CNBD1: variants seen among roughly 807,000 people sequenced by gnomAD.
The protein encoded by CNBD1 is cyclic nucleotide binding domain containing 1.
A neutral mutation model predicts 54.4 loss-of-function variants in CNBD1; 71 were observed. The ratio of observed to expected loss-of-function variants is 1.30; its 90% CI spans 1.08 to 1.59. The LOEUF is 1.59. Ranked by LOEUF, CNBD1 falls within the 40% of genes most tolerant of loss-of-function variation. The pLI is 0.00. For missense variants in CNBD1, 659 were observed against 518.0 expected, an observed-to-expected ratio of 1.27 and a Z score of -2.64; for synonymous variants, 182 against 170.7, an observed-to-expected ratio of 1.07 and a Z score of -0.51.
chr8:87,199,872 A>G (rs1313567830), intron 4 of CNBD1, among the ~76,000 whole-genome samples: 2 of 152,168 alleles, frequency 1.3e-5, no homozygotes, highest in Non-Finnish European at 2.9e-5. Context: ...AATAACACTT[A>G]TAACAAAAAT....
At chr8:87,332,756 T>A (rs1397214841) in intron 8 of CNBD1, among the ~76,000 whole-genome samples, 2 of 152,174 alleles carry the variant, frequency 1.3e-5, no homozygotes, top group African/African-American at 4.8e-5. Flanking sequence ...TTTGTACAAG[T>A]ACCATGCTGT....
chr8:87,287,989 T>G (rs1292176098), intron 8 of CNBD1, among the ~76,000 whole-genome samples: 2 of 152,082 alleles, frequency 1.3e-5, no homozygotes, highest in African/African-American at 4.8e-5. Context: ...TAAATGGCAT[T>G]TTTTTAACCA....
At chr8:86,929,009 G>A (rs1300200535) in intron 3 of CNBD1, among the ~76,000 whole-genome samples, 1 of 152,156 alleles carries the variant, frequency 6.6e-6, no homozygotes, top group Non-Finnish European at 1.5e-5. Context: ...GGAAATACTG[G>A]GGCTTAATCT....
chr8:87,027,725 C>A (rs1293826997), intron 4 of CNBD1, among the ~76,000 whole-genome samples: 1 of 152,234 alleles, frequency 6.6e-6, no homozygotes, highest in Non-Finnish European at 1.5e-5. Context: ...GGGACTCCGT[C>A]CCACTTTCTC....
chr8:87,269,432 T>C (rs1214999835), intron 6 of CNBD1, among the ~76,000 whole-genome samples: 2 of 152,072 alleles, frequency 1.3e-5, no homozygotes, highest in Non-Finnish European at 2.9e-5. Flanking sequence ...ATGAATTTTG[T>C]AATTGTTTTT....
chr8:87,394,766 A>G (rs1450014190), intron 2 of CNBD1, among the ~76,000 whole-genome samples: 2 of 151,972 alleles, frequency 1.3e-5, no homozygotes, highest in African/African-American at 4.8e-5. Flanking sequence ...TAAGATAATT[A>G]AACTCATCTG....
chr8:87,236,851 AT>A, intron 5 of CNBD1, 67 bp from the exon 6 acceptor site: 5 of 855,884 alleles, frequency 5.8e-6, no homozygotes, highest in Non-Finnish European at 9.1e-6. Flanking sequence ...TGTAATATAT[AT>A]ATTAGTCATA....
At chr8:86,970,639 T>C (rs1055580248) in intron 4 of CNBD1, among the ~76,000 whole-genome samples, 1 of 152,210 alleles carries the variant, frequency 6.6e-6, no homozygotes, top group African/African-American at 2.4e-5. Context: ...ACAGTGTCCA[T>C]TGTTGCCATC....
chr8:87,128,994 C>T (rs181107346), intron 4 of CNBD1, among the ~76,000 whole-genome samples: 4 of 136,400 alleles, frequency 2.9e-5, no homozygotes, highest in East Asian at 4.2e-4. Context: ...GGCTTGAGCC[C>T]GGGAGACTGA....
rs1002406658 is a variant in CNBD1, at chr8:86,889,982, C to T, written c.158+2371C>T. On this transcript the variant is annotated intron_variant, in intron 2 of 10. Transcript: ENST00000518476. ...GCGGATTATTTTTAAATATTTTAAT[C>T]GGGAAGTCTTAATTATATACATTTT... Among the ~76,000 whole-genome samples, 3 of 151,704 alleles carry T rather than the reference C, an allele frequency of 2.0e-5. No individual in the cohort carries two copies. In the South Asian group the frequency reaches 6.2e-4, roughly 32 times the overall value.
chr8:86,936,373 C>A (rs987255568), intron 3 of CNBD1, among the ~76,000 whole-genome samples: 4 of 151,974 alleles, frequency 2.6e-5, no homozygotes, highest in Admixed American at 6.6e-5. Flanking sequence ...ATACAAGTAA[C>A]ATGACAATAC....
intron 4 of CNBD1, among the ~76,000 whole-genome samples, chr8:86,970,857 C>T (rs751199529): frequency 2.0e-5 from 3 of 152,134 alleles, no homozygotes; most frequent in Admixed American, 6.6e-5. Flanking sequence ...CAATCCACCA[C>T]TGAAGGGCAC....
intron 4 of CNBD1, among the ~76,000 whole-genome samples, chr8:87,031,536 A>G (rs577943019): frequency 6.6e-6 from 1 of 152,334 alleles, no homozygotes; most frequent in African/African-American, 2.4e-5. Context: ...CTCATACTCC[A>G]GGATGATCTC....
Position 86,939,772 on chromosome 8 carries a change from A to G in CNBD1, c.431+18A>G, listed in dbSNP as rs748064811. ...AAGAAATTGTAAGTATTTAAAATAT[A>G]TTCCTTCTTCTAATTGAGTAATTCT... On this transcript the variant is annotated intron_variant, in intron 4 of 10. Coordinates refer to ENST00000518476, the MANE Select transcript of CNBD1 (RefSeq NM_173538.3). The G allele has an allele frequency of 4.3e-6, 6 of 1,406,210 alleles. No homozygotes were observed. In the East Asian group the frequency reaches 1.5e-4, roughly 34 times the overall value. 87.1% of individuals were successfully genotyped at this position (1,406,210 alleles called of 1,614,324 possible). A position where few individuals can be genotyped will look rare whatever the true frequency, so the allele number is the denominator to read the frequency against.
intron 8 of CNBD1, among the ~76,000 whole-genome samples, chr8:87,297,997 G>T: frequency 6.6e-6 from 1 of 150,878 alleles, no homozygotes. Context: ...TATTAATATA[G>T]ACATTAACAT....
Position 87,286,655 on chromosome 8 carries a change from A to T in CNBD1, c.1026A>T (p.Lys342Asn). 6.5e-7 allele frequency: 1 copy of T among 1,542,328 alleles called. No individual in the cohort carries two copies. The highest frequency in any genetic ancestry group is 1.2e-5 in the South Asian group (1 of 82,922). Reference protein sequence around the residue: ...YELIALLKWKKFPPGHVIVES... With the variant: ...YELIALLKWKNFPPGHVIVES... ...TAATTGCACTCCTTAAATGGAAAAAATTTCCTCCAGGTCATGGTAAGTTTA... is the reference window on the plus strand; with the variant it reads ...TAATTGCACTCCTTAAATGGAAAAATTTTCCTCCAGGTCATGGTAAGTTTA... Residue 342 changes from lysine to asparagine, a missense_variant, in exon 8 of 11, where the codon AAA becomes AAT. Coordinates refer to ENST00000518476, the MANE Select transcript of CNBD1 (RefSeq NM_173538.3).
chr8:87,284,842 A>T (rs977641913), intron 7 of CNBD1, 27 bp downstream of exon 7: 1 of 1,496,392 alleles, frequency 6.7e-7, no homozygotes, highest in African/African-American at 1.4e-5. Context: ...TATTTTATAT[A>T]AACAAAAATT....
chr8:87,062,838 C>T (rs1165688246), intron 4 of CNBD1, among the ~76,000 whole-genome samples: 4 of 151,758 alleles, frequency 2.6e-5, no homozygotes, highest in South Asian at 2.1e-4. Flanking sequence ...ATTGAAATTC[C>T]GCAATTCAAA....
intron 4 of CNBD1, among the ~76,000 whole-genome samples, chr8:86,969,476 A>G (rs1808169918): frequency 6.6e-6 from 1 of 152,082 alleles, no homozygotes; most frequent in African/African-American, 2.4e-5. Flanking sequence ...CCATGTTTTA[A>G]TGTTTAGGAA....
Sources: gnomAD v4.1 joint callset for allele counts (sites outside exome capture counted in the v4.1 genomes callset) on GRCh38, gnomAD v4.1.1 for gene constraint, MANE v1.5 for transcripts, NCBI Gene and HGNC (gene_info 2026-07-23, HGNC 2026-07-21) for gene names.